Variants in PLXNA2 observed in about 807,000 individuals in gnomAD.
PLXNA2 encodes plexin-A2.
A neutral mutation model predicts 193.5 loss-of-function variants in PLXNA2; 91 were observed. The observed-to-expected ratio is 0.47, with a 90% CI of 0.40 to 0.56. The LOEUF (loss-of-function observed/expected upper bound fraction) is 0.56, where lower values mean the gene tolerates loss of function less well. PLXNA2 is among the 20% of genes least tolerant of loss of function. PLXNA2 has a pLI of 0.00. For missense variants in PLXNA2, 1,995 were observed against 2,503.2 expected, an observed-to-expected ratio of 0.80 and a Z score of 4.33; for synonymous variants, 997 against 1,027.3, an observed-to-expected ratio of 0.97 and a Z score of 0.56.
rs1665047229 is a variant in PLXNA2, at chr1:208,045,909, T to G, written c.3464A>C (p.Asp1155Ala). The change falls in exon 18 of 32, where the codon GAT (aspartate) becomes GCT (alanine). Residue 1155 changes from aspartate (D) to alanine (A), a missense_variant. Physicochemically the swap from Asp to Ala is moderately radical, Grantham distance 126. Around this residue, in one of 3 missense-constraint regions of PLXNA2, gnomAD observed 1,291 missense variants for 1,673.6 expected, o/e 0.77. Transcript: ENST00000367033. ...AATGATGGGCGATCCTGGCTTTTGA[T>G]CCAAGACTCCAGTAGGGCTAAGCAG... ...FELLSPTGVL[D>A]QKPGSPIILK... 1 of 1,614,262 alleles carries G rather than the reference T, an allele frequency of 6.2e-7. No individual in the cohort carries two copies. The highest frequency in any genetic ancestry group is 8.5e-7 in the Non-Finnish European group (1 of 1,180,030).
Position 208,040,001 on chromosome 1 carries a change from C to T in PLXNA2, c.4344G>A (p.Lys1448=). 6.2e-7 allele frequency: 1 copy of T among 1,614,098 alleles called. No individual in the cohort carries two copies. Among genetic ancestry groups the T allele is most frequent in the Non-Finnish European group, 8.5e-7 (1 of 1,179,982 alleles). The change falls in exon 23 of 32, where the codon AAG becomes AAA. Residue 1448 remains lysine (K), a synonymous_variant. Coordinates refer to ENST00000367033, the MANE Select transcript of PLXNA2 (RefSeq NM_025179.4). ...TCACTCCCTTTCTCACCTTTAGGAA[C>T]TTGTGCAGGAGGAAGGCGAACCAAT... ...LTNWFAFLLH[K]FLKECAGEPL...
chr1:208,150,121 T>C (rs1174859558), intron 3 of PLXNA2, among the ~76,000 whole-genome samples: 1 of 152,050 alleles, frequency 6.6e-6, no homozygotes, highest in East Asian at 1.9e-4. Context: ...GGGATAAGGG[T>C]CTCTCTTTTC....
Position 208,142,360 on chromosome 1 carries a change from T to C in PLXNA2, c.1475A>G (p.Gln492Arg). The stretch of plus-strand genomic sequence containing the variant: ...CTCAGACATGACGTACAGGTAGCGC[T>C]GATCAATGGAGAAGGCCATGTCCCG... The part of the protein sequence containing the change: ...ILRDMAFSID[Q>R]RYLYVMSERQ... The change falls in exon 4 of 32, where the codon CAG (glutamine) becomes CGG (arginine). Residue 492 changes from glutamine (Q) to arginine (R), a missense_variant. By Grantham distance (43) the Gln-to-Arg change is conservative (BLOSUM62 1). Transcript: ENST00000367033. 1 of 1,613,514 alleles carries C rather than the reference T, an allele frequency of 6.2e-7. No homozygotes were observed. Among genetic ancestry groups the C allele is most frequent in the Non-Finnish European group, 8.5e-7 (1 of 1,179,732 alleles).
At position 208,098,895 on chromosome 1, in the gene PLXNA2, C is replaced by T; in HGVS notation, c.1682G>A (p.Ser561Asn). 2 of 1,614,016 alleles carry T rather than the reference C, an allele frequency of 1.2e-6. No homozygotes were observed. The highest frequency in any genetic ancestry group is 1.7e-6 in the Non-Finnish European group (2 of 1,179,986). Residue 561 changes from serine (S) to asparagine (N), a missense_variant, in exon 6 of 32, where the codon AGC (serine) becomes AAC (asparagine). By Grantham distance (46) the Ser-to-Asn change is conservative. Transcript: ENST00000367033. ...RFAASISQCVSLAVHPSSISV... is the reference protein window; with the variant it reads ...RFAASISQCVNLAVHPSSISV... ...GATGCTGCTGGGATGCACTGCAAGG[C>T]TCACACACTGGCTGATGCTGGCAGC...
intron 3 of PLXNA2, among the ~76,000 whole-genome samples, chr1:208,166,708 G>A (rs1208444723): frequency 1.3e-5 from 2 of 152,208 alleles, no homozygotes; most frequent in Non-Finnish European, 2.9e-5. Flanking sequence ...AAACCGCAAA[G>A]AACACAGAAT....
At chr1:208,096,429 C>A (rs954274001) in intron 7 of PLXNA2, among the ~76,000 whole-genome samples, 6 of 152,090 alleles carry the variant, frequency 3.9e-5, no homozygotes, top group Non-Finnish European at 1.5e-5. Flanking sequence ...TAGGTCTGAG[C>A]CCCCAGTTCT....
intron 3 of PLXNA2, among the ~76,000 whole-genome samples, chr1:208,195,657 G>C (rs560373165): frequency 4.0e-5 from 6 of 151,828 alleles, no homozygotes; most frequent in Non-Finnish European, 7.4e-5. Flanking sequence ...TTTTTGGGGG[G>C]GGGGGTTAGG....
intron 3 of PLXNA2, among the ~76,000 whole-genome samples, chr1:208,162,033 T>C (rs1480366218): frequency 6.6e-6 from 1 of 152,224 alleles, no homozygotes; most frequent in African/African-American, 2.4e-5. Flanking sequence ...TCTCCCCTTC[T>C]TCGCCCTGGA....
chr1:208,186,717 T>TTTGTTTTTTGTTTTTTTTTTG lies in PLXNA2; in HGVS notation c.1371+23562_1371+23563insCAAAAAAAAAACAAAAAACAA, dbSNP rs138123658. ...TGGGAATTGCAATGTTATTTTATTTTTTTTTTTTTTTTTGAGACGGAGTCT... is the reference window on the plus strand; with the variant it reads ...TGGGAATTGCAATGTTATTTTATTTTTTGTTTTTTGTTTTTTTTTTGTTTTTTTTTTTTTGAGACGGAGTCT... On this transcript the variant is annotated intron_variant, in intron 3 of 31. Coordinates refer to ENST00000367033, the MANE Select transcript of PLXNA2 (RefSeq NM_025179.4). Among the ~76,000 whole-genome samples, 87 of 136,338 alleles carry TTTGTTTTTTGTTTTTTTTTTG rather than the reference T, an allele frequency of 6.4e-4. 2 individuals carry two copies. The highest frequency in any genetic ancestry group is 2.6e-3 in the African/African-American group (83 of 32,040). The allele number at this position is 136,338 out of a possible 152,430, so 89.4% of individuals were successfully genotyped here.
chr1:208,031,085 G>GA, intron 29 of PLXNA2: 1 of 994,314 alleles, frequency 1.0e-6, no homozygotes, highest in South Asian at 4.4e-5. Flanking sequence ...GTGGGCTCAA[G>GA]TCTATAGCAG....
chr1:208,030,591 G>C, intron 29 of PLXNA2: 6 of 985,412 alleles, frequency 6.1e-6, no homozygotes, highest in Non-Finnish European at 7.2e-6. Flanking sequence ...CACAAGACCC[G>C]GGAGGAGGAA....
At chr1:208,162,133 C>A (rs552570950) in intron 3 of PLXNA2, among the ~76,000 whole-genome samples, 1 of 152,338 alleles carries the variant, frequency 6.6e-6, no homozygotes, top group East Asian at 1.9e-4. Context: ...AGAAGCACAG[C>A]ACCCTGATGG....
intron 4 of PLXNA2, among the ~76,000 whole-genome samples, chr1:208,118,740 T>C (rs77985206): frequency 0.056 from 8,460 of 151,890 alleles, 389 homozygotes; most frequent in East Asian, 0.17. Context: ...GAGACAAAGA[T>C]ACATTTTTTT....
Position 208,033,460 on chromosome 1 carries a change from G to A in PLXNA2, c.4914C>T (p.Ala1638=). 1 of 1,613,396 alleles carries A rather than the reference G, an allele frequency of 6.2e-7. No individual in the cohort carries two copies. The highest frequency in any genetic ancestry group is 8.5e-7 in the Non-Finnish European group (1 of 1,179,506). Residue 1638 remains alanine (A), a synonymous_variant, in exon 28 of 32, where the codon GCC becomes GCT. Coordinates refer to ENST00000367033, the MANE Select transcript of PLXNA2 (RefSeq NM_025179.4). ...TTTCCAGGTCTGGGGTGATCATCGG[G>A]GCCCGGGACCGCAGGCTGTCGGGGC... ...TGSPDSLRSR[A]PMITPDLESG...
chr1:208,185,451 T>C (rs188273296), intron 3 of PLXNA2, among the ~76,000 whole-genome samples: 1 of 152,242 alleles, frequency 6.6e-6, no homozygotes, highest in Non-Finnish European at 1.5e-5. Flanking sequence ...TCTTTTCTTC[T>C]AAAGACTTGG....
chr1:208,186,027 C>T (rs993632329), intron 3 of PLXNA2, among the ~76,000 whole-genome samples: 1 of 152,182 alleles, frequency 6.6e-6, no homozygotes, highest in African/African-American at 2.4e-5. Flanking sequence ...TGTACACGCA[C>T]AGGTGGGGAA....
intron 22 of PLXNA2, 87 bp from the exon 23 acceptor site, chr1:208,040,145 G>A: frequency 9.5e-7 from 1 of 1,057,444 alleles, no homozygotes; most frequent in African/African-American, 1.6e-5. Flanking sequence ...TCTCCCAAGA[G>A]AACAATGGAG....
intron 14 of PLXNA2, among the ~76,000 whole-genome samples, chr1:208,053,357 A>G (rs934368465): frequency 2.0e-5 from 3 of 152,192 alleles, no homozygotes; most frequent in Non-Finnish European, 2.9e-5. Flanking sequence ...TTGTCAGAGT[A>G]CTGACATTCT....
rs946973244 is a variant in PLXNA2 at position 208,024,814 on chromosome 1, T to G, written c.*2429A>C. The G allele has an allele frequency of 6.6e-6, 1 of 152,230 alleles. No homozygotes were observed. The highest frequency in any genetic ancestry group is 2.4e-5 in the African/African-American group (1 of 41,446). The allele number at this position is 152,230 out of a possible 1,614,324, so 9.4% of individuals were successfully genotyped here. ...GCCTGGATGCCAGTCTGAGCAGCCA[T>G]GCGGCCAGAAAATCTTCACCCAAAC... On this transcript the variant is annotated 3_prime_UTR_variant, in exon 32 of 32. Coordinates refer to ENST00000367033, the MANE Select transcript of PLXNA2 (RefSeq NM_025179.4).
Sources: allele counts gnomAD v4.1 joint callset (sites outside exome capture counted in the v4.1 genomes callset), GRCh38; gene constraint gnomAD v4.1.1; regional missense constraint gnomAD v4.1.1; transcripts MANE v1.5; gene names NCBI Gene and HGNC (gene_info 2026-07-23, HGNC 2026-07-21).